Variants in SYT10 observed in about 807,000 individuals in gnomAD.
The protein encoded by SYT10 is synaptotagmin 10, also known as synaptotagmin-10.
A neutral mutation model predicts 51.1 loss-of-function variants in SYT10; 31 were observed. That is an observed-to-expected ratio of 0.61 (90% CI 0.46 to 0.82). The LOEUF (loss-of-function observed/expected upper bound fraction) is 0.82. SYT10 is among the 40% of genes least tolerant of loss of function. The pLI is 0.00. For missense variants in SYT10, 603 were observed against 634.0 expected (o/e 0.95, Z 0.53); for synonymous variants, 233 against 225.9 (o/e 1.03, Z -0.28).
rs76455734 is a variant in SYT10, at chr12:33,386,280, A to G, written c.1078-989T>C. 7.2e-3 allele frequency among the ~76,000 whole-genome samples: 1,091 copies of G among 152,256 alleles called. 18 individuals carry two copies. The highest frequency in any genetic ancestry group is 0.025 in the African/African-American group (1,026 of 41,550). On this transcript the variant is annotated intron_variant, in intron 3 of 6. Coordinates refer to ENST00000228567, the MANE Select transcript of SYT10 (RefSeq NM_198992.4). ...CACCTCAGCCTTCCAATCTGTCCAC[A>G]TTTAAATATGTCTTTGTTTGGCTAA... is the stretch of plus-strand genomic sequence containing the variant.
chr12:33,414,104 T>C (rs1866432890), intron 2 of SYT10, among the ~76,000 whole-genome samples: 2 of 151,950 alleles, frequency 1.3e-5, no homozygotes, highest in South Asian at 4.2e-4. Context: ...TACATAATGG[T>C]AAAGGGATCA....
At chr12:33,436,166 G>A (rs1592000574) in intron 1 of SYT10, among the ~76,000 whole-genome samples, 1 of 152,120 alleles carries the variant, frequency 6.6e-6, no homozygotes, top group South Asian at 2.1e-4. Flanking sequence ...CAGCAATTAA[G>A]GAGTAATCAG....
At chr12:33,377,635 T>C (rs535862635) in intron 6 of SYT10, among the ~76,000 whole-genome samples, 1 of 150,316 alleles carries the variant, frequency 6.7e-6, no homozygotes, top group Admixed American at 6.6e-5. Context: ...TTTTCTTTTT[T>C]TTTTTTTTTG....
At chr12:33,401,749 C>T (rs1327610141) in intron 3 of SYT10, among the ~76,000 whole-genome samples, 1 of 152,082 alleles carries the variant, frequency 6.6e-6, no homozygotes, top group Non-Finnish European at 1.5e-5. Flanking sequence ...TACAACATCC[C>T]ATTGTTTTTT....
intron 3 of SYT10, among the ~76,000 whole-genome samples, chr12:33,390,922 GT>G (rs917729977): frequency 3.3e-5 from 5 of 150,604 alleles, no homozygotes; most frequent in South Asian, 2.1e-4. Context: ...GTTAAATTAC[GT>G]TTTTTTTTGT....
intron 3 of SYT10, among the ~76,000 whole-genome samples, chr12:33,389,497 C>A (rs563400497): frequency 1.3e-5 from 2 of 152,020 alleles, no homozygotes; most frequent in South Asian, 4.2e-4. Context: ...AAAAAAATTT[C>A]TTTATCTTGA....
chr12:33,426,383 A>G lies in SYT10; in HGVS notation c.264T>C (p.Pro88=). 2 of 1,614,120 alleles carry G rather than the reference A, an allele frequency of 1.2e-6. No homozygotes were observed. Among genetic ancestry groups the G allele is most frequent in the South Asian group, 1.1e-5 (1 of 91,078 alleles). Residue 88 remains proline (P), a synonymous_variant, in exon 2 of 7, where the codon CCT becomes CCC. Transcript: ENST00000228567. The part of the protein sequence containing the change: ...KLCWPCWKSK[P]VTSNITTLPQ... Reference sequence around the variant, plus strand: ...GAAGCGTAGTGATGTTGGAAGTCACAGGTTTGCTTTTCCAGCATGGCCAAC... The same window carrying G: ...GAAGCGTAGTGATGTTGGAAGTCACGGGTTTGCTTTTCCAGCATGGCCAAC...
At chr12:33,394,791 A>G (rs1866239673) in intron 3 of SYT10, among the ~76,000 whole-genome samples, 1 of 152,222 alleles carries the variant, frequency 6.6e-6, no homozygotes, top group African/African-American at 2.4e-5. Flanking sequence ...GGCTTTACCT[A>G]ATAGAAATAG....
Position 33,426,218 on chromosome 12 carries a change from T to G in SYT10, c.429A>C (p.Glu143Asp). Residue 143 changes from glutamate to aspartate, a missense_variant, in exon 2 of 7, where the codon GAA becomes GAC. By Grantham distance (45) the Glu-to-Asp change is conservative. Coordinates refer to ENST00000228567, the MANE Select transcript of SYT10 (RefSeq NM_198992.4). The part of the protein sequence containing the change: ...ISHTSPDIPA[E>D]VQTALKEHLI... Reference sequence around the variant, plus strand: ...AATGTTCTTTTAAAGCAGTTTGGACTTCTGCTGGGATGTCAGGGGAAGTGT... The same window carrying G: ...AATGTTCTTTTAAAGCAGTTTGGACGTCTGCTGGGATGTCAGGGGAAGTGT... 6.2e-7 allele frequency: 1 copy of G among 1,614,158 alleles called. No homozygotes were observed. Among genetic ancestry groups the G allele is most frequent in the Non-Finnish European group, 8.5e-7 (1 of 1,180,028 alleles).
chr12:33,390,929 T>G (rs185020894), intron 3 of SYT10, among the ~76,000 whole-genome samples: 258 of 152,090 alleles, frequency 1.7e-3, no homozygotes, highest in Middle Eastern at 3.4e-3. Flanking sequence ...TACGTTTTTT[T>G]TTGTTGTTGT....
At chr12:33,392,985 TAAAAAAAAAAAAA>T (rs71068378) in intron 3 of SYT10, among the ~76,000 whole-genome samples, 5 of 59,104 alleles carry the variant, frequency 8.5e-5, no homozygotes, top group Non-Finnish European at 1.4e-4. Context: ...TTTTTGCCAT[TAAAAAAAAAAAAA>T]AAAAAAAAAA....
intron 2 of SYT10, among the ~76,000 whole-genome samples, chr12:33,420,900 G>C (rs2138427828): frequency 6.6e-6 from 1 of 152,166 alleles, no homozygotes; most frequent in South Asian, 2.1e-4. Context: ...TCTATTTCAG[G>C]GAGACAGATC....
intron 2 of SYT10, among the ~76,000 whole-genome samples, chr12:33,417,801 G>A (rs1383127714): frequency 2.0e-5 from 3 of 151,500 alleles, no homozygotes; most frequent in Non-Finnish European, 2.9e-5. Context: ...GAGAATTGAG[G>A]GTGTACACAA....
At chr12:33,398,077 C>T (rs1276745596) in intron 3 of SYT10, among the ~76,000 whole-genome samples, 1 of 151,896 alleles carries the variant, frequency 6.6e-6, no homozygotes, top group African/African-American at 2.4e-5. Context: ...GAGGGTGATA[C>T]CCAGAGTGGA....
intron 5 of SYT10, 122 bp from the exon 6 acceptor site, chr12:33,380,083 T>C (rs1866101104): frequency 9.3e-7 from 1 of 1,070,102 alleles, no homozygotes; most frequent in South Asian, 1.9e-5. Context: ...TTGCAGATTA[T>C]GCTACTTCAG....
intron 3 of SYT10, among the ~76,000 whole-genome samples, chr12:33,396,525 G>A (rs972738534): frequency 3.3e-5 from 5 of 151,998 alleles, no homozygotes; most frequent in Admixed American, 6.6e-5. Context: ...AATTTCTAAG[G>A]TAAGAAACTG....
chr12:33,407,376 C>A lies in SYT10; in HGVS notation c.510-20G>T. The A allele has an allele frequency of 6.3e-7, 1 of 1,594,360 alleles. No homozygotes were observed. Among genetic ancestry groups the A allele is most frequent in the South Asian group, 1.1e-5 (1 of 90,044 alleles). On this transcript the variant is annotated intron_variant, in intron 2 of 6. Coordinates refer to ENST00000228567, the MANE Select transcript of SYT10 (RefSeq NM_198992.4). ...CTGTGGCTGAACACACACACATATA[C>A]ACAAAATCATTGAGGGAGATCATTT...
intron 1 of SYT10, 57 bp downstream of exon 1, chr12:33,439,315 C>G: frequency 1.3e-6 from 2 of 1,565,400 alleles, no homozygotes; most frequent in Non-Finnish European, 1.7e-6. Flanking sequence ...GAGCTTGCAG[C>G]CTAGCGCGCG....
chr12:33,439,809 C>G lies in SYT10; in HGVS notation c.-287G>C, dbSNP rs1411693500. 2 of 432,570 alleles carry G rather than the reference C, an allele frequency of 4.6e-6. No homozygotes were observed. The highest frequency in any genetic ancestry group is 4.1e-5 in the Admixed American group (1 of 24,382). The allele number at this position is 432,570 out of a possible 1,614,324, so 26.8% of individuals were successfully genotyped here. On this transcript the variant is annotated 5_prime_UTR_variant, in exon 1 of 7. Coordinates refer to ENST00000228567, the MANE Select transcript of SYT10 (RefSeq NM_198992.4). Reference sequence around the variant, plus strand: ...CCGAGGCGCGCTGGAACTAGAGACCCGGCATGGAGTGCTGAGGGGAGGGGG... The same window carrying G: ...CCGAGGCGCGCTGGAACTAGAGACCGGGCATGGAGTGCTGAGGGGAGGGGG...
Sources: gnomAD v4.1 joint callset for allele counts (sites outside exome capture counted in the v4.1 genomes callset) on GRCh38, gnomAD v4.1.1 for gene constraint, MANE v1.5 for transcripts, NCBI Gene and HGNC (gene_info 2026-07-23, HGNC 2026-07-21) for gene names.